DMD: variants seen among roughly 807,000 people sequenced by gnomAD.
DMD encodes dystrophin, also known as mutant dystrophin.
Under a neutral mutation model 330.1 loss-of-function variants are expected in DMD, and 63 were observed. That is an observed-to-expected ratio of 0.19 (90% CI 0.16 to 0.24). The LOEUF (loss-of-function observed/expected upper bound fraction) is 0.24, where lower values mean the gene tolerates loss of function less well. Ranked by LOEUF, DMD falls within the 10% of genes least tolerant of loss-of-function variation. The pLI is 1.00. For synonymous variants in DMD, 1,223 were observed against 959.8 expected (o/e 1.27, Z -5.07); for missense variants, 3,344 against 2,684.1 (o/e 1.25, Z -5.43).
rs190558079 is a variant in DMD, at chrX:33,133,506, A to T, written c.31+77776T>A. On this transcript the variant is annotated intron_variant, in intron 1 of 78. Transcript: ENST00000357033. ...AGACCAGCTTGTAAACACATTACCC[A>T]ATAAAGTACCTTACAGTGCAAGCAG... Among the ~76,000 whole-genome samples the T allele has an allele frequency of 1.2e-3, 134 of 111,258 alleles. 1 individual carries two copies. Among genetic ancestry groups the T allele is most frequent in the African/African-American group, 4.0e-3 (123 of 30,725 alleles).
intron 9 of DMD, among the ~76,000 whole-genome samples, chrX:32,680,694 G>A (rs1445847249): frequency 4.5e-5 from 5 of 111,433 alleles, no homozygotes; most frequent in African/African-American, 1.3e-4. Flanking sequence ...TTTTCAAAAT[G>A]TACTTAAAAA....
intron 44 of DMD, among the ~76,000 whole-genome samples, chrX:32,209,433 A>C (rs2097084886): frequency 9.0e-6 from 1 of 111,554 alleles, no homozygotes; most frequent in African/African-American, 3.3e-5. Context: ...TAAAGGTAGA[A>C]ACAAGCATTC....
intron 44 of DMD, among the ~76,000 whole-genome samples, chrX:32,001,892 G>T (rs771641227): frequency 1.8e-5 from 2 of 111,664 alleles, no homozygotes; most frequent in South Asian, 3.7e-4. Flanking sequence ...CTAGGAATTA[G>T]GATCATGATT....
intron 55 of DMD, among the ~76,000 whole-genome samples, chrX:31,612,392 T>C (rs1371162975): frequency 8.9e-6 from 1 of 112,088 alleles, no homozygotes; most frequent in Non-Finnish European, 1.9e-5. Flanking sequence ...CTTCAATAGA[T>C]AGCTGCTAAA....
At chrX:31,980,896 CCTTA>C (rs1240389948) in intron 44 of DMD, among the ~76,000 whole-genome samples, 1 of 111,873 alleles carries the variant, frequency 8.9e-6, no homozygotes, top group Non-Finnish European at 1.9e-5. Context: ...TAACTGCTCT[CCTTA>C]CTTACACAAT....
chrX:32,594,201 A>T (rs1049369510), intron 13 of DMD, among the ~76,000 whole-genome samples: 1 of 112,051 alleles, frequency 8.9e-6, no homozygotes, highest in African/African-American at 3.2e-5. Context: ...CAGGGTGTTA[A>T]GTATGCATCT....
chrX:31,800,894 T>C (rs1245218469), intron 50 of DMD, among the ~76,000 whole-genome samples: 1 of 111,580 alleles, frequency 9.0e-6, no homozygotes, highest in Non-Finnish European at 1.9e-5. Context: ...GACTTCATCG[T>C]CCACATCACC....
intron 65 of DMD, among the ~76,000 whole-genome samples, chrX:31,207,087 C>A (rs1302708980): frequency 9.0e-6 from 1 of 111,472 alleles, no homozygotes; most frequent in Non-Finnish European, 1.9e-5. Flanking sequence ...TCATGGAAGC[C>A]AAAAAAATTA....
chrX:32,782,502 A>C (rs748226842), intron 7 of DMD, among the ~76,000 whole-genome samples: 1 of 111,351 alleles, frequency 9.0e-6, no homozygotes, highest in East Asian at 2.8e-4. Context: ...TTGTGTGTAA[A>C]AGAGAATTAA....
intron 57 of DMD, among the ~76,000 whole-genome samples, chrX:31,485,017 C>T (rs1032485999): frequency 9.0e-6 from 1 of 111,530 alleles, no homozygotes; most frequent in African/African-American, 3.3e-5. Flanking sequence ...CTAAATCTTG[C>T]AATTCTAAAG....
At chrX:31,510,674 ATT>A (rs770283472) in intron 55 of DMD, among the ~76,000 whole-genome samples, 4 of 108,035 alleles carry the variant, frequency 3.7e-5, no homozygotes, top group African/African-American at 6.8e-5. Context: ...CGCCTGGCTA[ATT>A]TTTTTTGTAT....
At position 32,437,999 on chromosome X, in the gene DMD, G is replaced by A. The variant is rs1473733154; in HGVS notation, c.4071+242C>T. Among the ~76,000 whole-genome samples the A allele has an allele frequency of 3.6e-5, 4 of 111,860 alleles. No homozygotes were observed. In the South Asian group the frequency reaches 1.1e-3, roughly 31 times the overall value. On this transcript the variant is annotated intron_variant, in intron 29 of 78. Coordinates refer to ENST00000357033, the MANE Select transcript of DMD (RefSeq NM_004006.3). ...CTTGAGTAAGGAAAAGAACTCTGTGGTCAGAGTAACCTTCTTGGGATGTCT... is the reference window on the plus strand; with the variant it reads ...CTTGAGTAAGGAAAAGAACTCTGTGATCAGAGTAACCTTCTTGGGATGTCT...
At chrX:32,861,731 G>A (rs1380139175) in intron 2 of DMD, among the ~76,000 whole-genome samples, 1 of 111,484 alleles carries the variant, frequency 9.0e-6, no homozygotes, top group African/African-American at 3.3e-5. Context: ...GGCTCTCATT[G>A]GCCAAATCCA....
intron 47 of DMD, among the ~76,000 whole-genome samples, chrX:31,921,296 G>A (rs1365308529): frequency 1.8e-5 from 2 of 111,927 alleles, no homozygotes; most frequent in African/African-American, 6.5e-5. Flanking sequence ...GGCTTCTTAG[G>A]CAATAGGAGG....
At chrX:31,744,537 T>C (rs1340924983) in intron 51 of DMD, among the ~76,000 whole-genome samples, 1 of 112,432 alleles carries the variant, frequency 8.9e-6, no homozygotes, top group Non-Finnish European at 1.9e-5. Context: ...CATTTTGGAA[T>C]CCTTCGAACT....
At chrX:32,348,968 C>A (rs1347886625) in intron 37 of DMD, among the ~76,000 whole-genome samples, 5 of 111,652 alleles carry the variant, frequency 4.5e-5, no homozygotes, top group Non-Finnish European at 9.5e-5. Context: ...CTTAGAAAAA[C>A]TACATGGCAA....
chrX:32,926,700 C>T (rs1319124006), intron 2 of DMD, among the ~76,000 whole-genome samples: 7 of 104,153 alleles, frequency 6.7e-5, no homozygotes, highest in African/African-American at 2.5e-4. Flanking sequence ...TGCAGTGAAC[C>T]GAGATCAAGC....
intron 59 of DMD, among the ~76,000 whole-genome samples, chrX:31,455,706 A>C (rs1265559381): frequency 8.9e-6 from 1 of 112,413 alleles, no homozygotes; most frequent in Non-Finnish European, 1.9e-5. Flanking sequence ...ATAACATTTC[A>C]GTTTTTGGTC....
chrX:31,775,023 G>A (rs1240818203), intron 50 of DMD, among the ~76,000 whole-genome samples: 2 of 111,394 alleles, frequency 1.8e-5, no homozygotes, highest in Non-Finnish European at 3.8e-5. Context: ...CCTTGGTAAA[G>A]CCACATAACC....
Sources: gnomAD v4.1 joint callset for allele counts (sites outside exome capture counted in the v4.1 genomes callset) on GRCh38, gnomAD v4.1.1 for gene constraint, MANE v1.5 for transcripts, NCBI Gene and HGNC (gene_info 2026-07-23, HGNC 2026-07-21) for gene names.